Variants in PCDH7 observed in about 807,000 individuals in gnomAD.
PCDH7 encodes the protein protocadherin-7.
A neutral mutation model predicts 58.9 loss-of-function variants in PCDH7; 17 were observed. The observed-to-expected ratio is 0.29, with a 90% CI of 0.20 to 0.43. PCDH7 has a LOEUF of 0.43. PCDH7 is among the 20% of genes least tolerant of loss of function. The pLI is 1.00. For synonymous variants in PCDH7, 664 were observed against 616.4 expected (o/e 1.08, Z -1.14); for missense variants, 1,274 against 1,441.0 (o/e 0.88, Z 1.88).
At chr4:31,145,824 T>TA (rs1440930949), downstream of PCDH7, 7 of 152,132 alleles carry the variant, frequency 4.6e-5, no homozygotes, top group Non-Finnish European at 1.0e-4. Context: ...TTTGGCAAGG[T>TA]AAAATACTGA....
In PCDH7 at chr4:30,866,464, C is replaced by A. The variant is rs541192805; in HGVS notation, c.71-53689C>A. ...AAGTTCATGCTCTTTCCATTATACA[C>A]AACAGCTTTCCTTATTTGACTTAGA... On this transcript the variant is annotated intron_variant, in intron 1 of 3. Coordinates refer to the PCDH7 transcript ENST00000509759. Among the ~76,000 whole-genome samples, 6 of 152,196 alleles carry A rather than the reference C, an allele frequency of 3.9e-5. No homozygotes were observed. In the East Asian group the frequency reaches 1.2e-3, roughly 30 times the overall value.
At chr4:30,779,535 A>G (rs1368936847) in intron 1 of PCDH7, among the ~76,000 whole-genome samples, 1 of 152,234 alleles carries the variant, frequency 6.6e-6, no homozygotes, top group East Asian at 1.9e-4. Context: ...ATATTAAAAG[A>G]TAGTTATATT....
At chr4:30,909,163 T>A (rs1741391927) in intron 1 of PCDH7, among the ~76,000 whole-genome samples, 1 of 152,062 alleles carries the variant, frequency 6.6e-6, no homozygotes, top group African/African-American at 2.4e-5. Flanking sequence ...ATAAACTAGG[T>A]ATTGATGGAA....
chr4:30,796,292 C>G (rs906948002), intron 1 of PCDH7, among the ~76,000 whole-genome samples: 3 of 152,192 alleles, frequency 2.0e-5, no homozygotes, highest in Non-Finnish European at 4.4e-5. Context: ...GGGGGCCTAA[C>G]GGACTTCCCC....
chr4:30,875,293 A>G (rs555918276), intron 1 of PCDH7, among the ~76,000 whole-genome samples: 1 of 152,020 alleles, frequency 6.6e-6, no homozygotes, highest in South Asian at 2.1e-4. Flanking sequence ...TAAGGACTCT[A>G]GTAATATTGA....
intron 1 of PCDH7, among the ~76,000 whole-genome samples, chr4:30,792,505 A>G (rs1724250771): frequency 6.6e-6 from 1 of 152,220 alleles, no homozygotes; most frequent in African/African-American, 2.4e-5. Context: ...TATCACCATA[A>G]TAACCTATCT....
rs2109307626 is a variant in PCDH7 at position 30,803,253 on chromosome 4, AT to A, written c.70+78658del. Among the ~76,000 whole-genome samples, 3 of 152,258 alleles carry A rather than the reference AT, an allele frequency of 2.0e-5. 1 individual carries two copies. In the South Asian group the frequency reaches 6.2e-4, roughly 32 times the overall value. On this transcript the variant is annotated intron_variant, in intron 1 of 3. Transcript: ENST00000509759. ...TTTGTTTCAAAACAGCCCATTTTGT[AT>A]CTGTGAGTGTGATTGCCAAAGCTGA...
chr4:31,075,317 A>T (rs1453040268), intron 3 of PCDH7, among the ~76,000 whole-genome samples: 3 of 152,132 alleles, frequency 2.0e-5, no homozygotes, highest in Non-Finnish European at 2.9e-5. Flanking sequence ...GTACCATGGG[A>T]GAAACAACCA....
At chr4:31,028,835 T>C (rs865992452) in intron 3 of PCDH7, among the ~76,000 whole-genome samples, 25 of 152,220 alleles carry the variant, frequency 1.6e-4, no homozygotes, top group Middle Eastern at 6.8e-3. Context: ...TTTGAGGCTT[T>C]GGGAGATAAT....
At chr4:30,730,674 A>T in intron 1 of PCDH7, 1 of 1,029,144 alleles carries the variant, frequency 9.7e-7, no homozygotes, top group Non-Finnish European at 1.4e-6. Context: ...AAAGCTTTCC[A>T]ATTGGGCATA....
intron 3 of PCDH7, among the ~76,000 whole-genome samples, chr4:30,968,203 C>A (rs1052792023): frequency 1.3e-5 from 2 of 148,430 alleles, no homozygotes; most frequent in Non-Finnish European, 1.5e-5. Context: ...GTAATAAAAA[C>A]AAAATTAACC....
chr4:30,785,799 T>C (rs1380053741), intron 1 of PCDH7, among the ~76,000 whole-genome samples: 1 of 152,082 alleles, frequency 6.6e-6, no homozygotes, highest in Non-Finnish European at 1.5e-5. Flanking sequence ...TCTCTGATCC[T>C]AATTCTTAAA....
chr4:30,936,925 C>T (rs1360691578), intron 2 of PCDH7, among the ~76,000 whole-genome samples: 3 of 151,648 alleles, frequency 2.0e-5, no homozygotes, highest in African/African-American at 7.3e-5. Context: ...ATAGTTATAT[C>T]GCTTTTGACT....
At chr4:30,894,986 G>T (rs1739221352) in intron 1 of PCDH7, among the ~76,000 whole-genome samples, 1 of 151,504 alleles carries the variant, frequency 6.6e-6, no homozygotes, top group Non-Finnish European at 1.5e-5. Context: ...TTATTATTAT[G>T]TTATTTTTAT....
intron 3 of PCDH7, among the ~76,000 whole-genome samples, chr4:31,095,016 C>CA (rs1182328768): frequency 7.2e-6 from 1 of 138,020 alleles, no homozygotes; most frequent in Non-Finnish European, 1.5e-5. Flanking sequence ...AAAAATCAAA[C>CA]AGAGTAGTCA....
At chr4:30,968,351 TACAC>T (rs71190481) in intron 3 of PCDH7, among the ~76,000 whole-genome samples, 15 of 74,024 alleles carry the variant, frequency 2.0e-4, no homozygotes, top group East Asian at 6.8e-4. Flanking sequence ...TATATATATA[TACAC>T]ACACTATATA....
At chr4:31,109,052 G>C (rs1421884595) in intron 3 of PCDH7, among the ~76,000 whole-genome samples, 1 of 152,180 alleles carries the variant, frequency 6.6e-6, no homozygotes, top group Non-Finnish European at 1.5e-5. Flanking sequence ...TGCCCCATCA[G>C]GCTGGCTCAG....
In PCDH7 at chr4:31,088,251, A is replaced by G. The variant is rs534538975; in HGVS notation, c.*8-54222A>G. The stretch of plus-strand genomic sequence containing the variant: ...GGGGACATTGTTATTATCTATTTAG[A>G]GGATAATAGAATTGCTTCTGTTTGC... On this transcript the variant is annotated intron_variant, in intron 3 of 3. Transcript: ENST00000509759. Among the ~76,000 whole-genome samples, 48 of 152,144 alleles carry G rather than the reference A, an allele frequency of 3.2e-4. 1 individual carries two copies. Among genetic ancestry groups the G allele is most frequent in the African/African-American group, 1.1e-3 (45 of 41,540 alleles).
chr4:30,785,278 GA>G (rs907792617), intron 1 of PCDH7, among the ~76,000 whole-genome samples: 16 of 151,954 alleles, frequency 1.1e-4, no homozygotes, highest in Non-Finnish European at 1.8e-4. Flanking sequence ...CAGAAACTTT[GA>G]AATATTTAGC....
Sources: allele counts gnomAD v4.1 joint callset (sites outside exome capture counted in the v4.1 genomes callset), GRCh38; gene constraint gnomAD v4.1.1; transcripts MANE v1.5; gene names NCBI Gene and HGNC (gene_info 2026-07-23, HGNC 2026-07-21).